The following CTNNA3 variants were observed in gnomAD, a reference collection of about 807,000 sequenced individuals.
CTNNA3 encodes the protein catenin alpha 3.
CTNNA3 carries 76 observed loss-of-function variants against 95.7 expected under a neutral mutation model. The ratio of observed to expected loss-of-function variants is 0.79; its 90% CI spans 0.66 to 0.96. The LOEUF is 0.96. CTNNA3 is among the 40% of genes least tolerant of loss of function. The probability of loss-of-function intolerance (pLI) is 0.00; values close to 1 mark genes in which losing one functional copy is unlikely to be tolerated. For synonymous variants in CTNNA3, 431 were observed against 374.4 expected, an observed-to-expected ratio of 1.15 and a Z score of -1.74; for missense variants, 1,191 against 1,089.8, an observed-to-expected ratio of 1.09 and a Z score of -1.31.
chr10:67,230,698 G>C (rs986661130), intron 5 of CTNNA3, among the ~76,000 whole-genome samples: 2 of 152,184 alleles, frequency 1.3e-5, no homozygotes, highest in African/African-American at 2.4e-5. Context: ...GGAACAGCTC[G>C]GTCTACAGCT....
rs1167831369 is a variant in CTNNA3 at position 67,338,301 on chromosome 10, G to T, written c.580-118431C>A. ...TGACAGCATGAGCAAGGTGTGGGGG[G>T]AGGTGCCATATACTTTTAAACAATC... On this transcript the variant is annotated intron_variant, in intron 5 of 17. Transcript: ENST00000433211. 4.6e-5 allele frequency among the ~76,000 whole-genome samples: 7 copies of T among 152,164 alleles called. No homozygotes were observed. In the South Asian group the frequency reaches 1.5e-3, roughly 32 times the overall value.
At chr10:66,399,003 T>C (rs1215439657) in intron 11 of CTNNA3, among the ~76,000 whole-genome samples, 2 of 152,034 alleles carry the variant, frequency 1.3e-5, no homozygotes, top group Non-Finnish European at 2.9e-5. Context: ...TTTTATTTCC[T>C]TTTCCAATCA....
intron 10 of CTNNA3, among the ~76,000 whole-genome samples, chr10:66,561,756 T>G (rs1162927092): frequency 2.6e-5 from 4 of 152,034 alleles, no homozygotes; most frequent in African/African-American, 9.7e-5. Flanking sequence ...TAATGGAAAC[T>G]TTTGAGAAAT....
intron 2 of CTNNA3, among the ~76,000 whole-genome samples, chr10:67,622,752 T>C (rs903589793): frequency 1.3e-5 from 2 of 152,224 alleles, no homozygotes; most frequent in African/African-American, 4.8e-5. Flanking sequence ...CATTTTCCCA[T>C]GGGAGCAGTT....
intron 7 of CTNNA3, among the ~76,000 whole-genome samples, chr10:66,864,256 T>C (rs1201626970): frequency 1.3e-5 from 2 of 152,038 alleles, no homozygotes; most frequent in Non-Finnish European, 2.9e-5. Flanking sequence ...GAACAAAGGA[T>C]TAATGTTGTT....
intron 14 of CTNNA3, among the ~76,000 whole-genome samples, chr10:66,095,900 A>G: frequency 1.3e-5 from 2 of 152,082 alleles, no homozygotes; most frequent in East Asian, 3.9e-4. Flanking sequence ...AGGTTGACAA[A>G]CTATATGCTC....
intron 7 of CTNNA3, among the ~76,000 whole-genome samples, chr10:66,868,565 A>G (rs1248993930): frequency 2.0e-5 from 3 of 151,634 alleles, no homozygotes; most frequent in Admixed American, 6.6e-5. Context: ...AGCATGGCCA[A>G]CATGGTGAAA....
intron 7 of CTNNA3, among the ~76,000 whole-genome samples, chr10:67,040,518 TTTACTCTCTC>T (rs1854327145): frequency 6.6e-6 from 1 of 152,084 alleles, no homozygotes; most frequent in Non-Finnish European, 1.5e-5. Flanking sequence ...CATGGTGACA[TTTACTCTCTC>T]TTACCCACTC....
intron 7 of CTNNA3, among the ~76,000 whole-genome samples, chr10:67,029,990 A>T (rs1189101862): frequency 6.6e-6 from 1 of 152,238 alleles, no homozygotes. Flanking sequence ...TCATAAATGC[A>T]TTAAGATATT....
intron 7 of CTNNA3, among the ~76,000 whole-genome samples, chr10:66,976,285 G>A (rs1009815597): frequency 6.6e-5 from 10 of 152,120 alleles, no homozygotes; most frequent in African/African-American, 1.4e-4. Flanking sequence ...AATCAGGGAC[G>A]ATACCCCTGT....
At chr10:66,667,630 GC>G (rs777725954) in intron 9 of CTNNA3, among the ~76,000 whole-genome samples, 10 of 152,092 alleles carry the variant, frequency 6.6e-5, no homozygotes, top group Non-Finnish European at 1.5e-4. Flanking sequence ...CTTTCTAACA[GC>G]CTAGTAAGCC....
chr10:67,530,124 C>T (rs1840280783), intron 4 of CTNNA3, among the ~76,000 whole-genome samples: 1 of 152,154 alleles, frequency 6.6e-6, no homozygotes, highest in African/African-American at 2.4e-5. Context: ...TATAAATTGC[C>T]CAGTCTCAGG....
intron 9 of CTNNA3, among the ~76,000 whole-genome samples, chr10:66,650,096 C>A (rs1415199749): frequency 2.7e-5 from 4 of 150,274 alleles, no homozygotes; most frequent in African/African-American, 1.0e-4. Context: ...ACACTTTAGA[C>A]CAAATAGACC....
chr10:66,093,804 C>T (rs1016858449), intron 14 of CTNNA3, among the ~76,000 whole-genome samples: 8 of 151,980 alleles, frequency 5.3e-5, no homozygotes, highest in African/African-American at 1.9e-4. Context: ...ATACCCTAGG[C>T]TCAATATATT....
At chr10:66,082,033 G>T (rs1222721384) in intron 14 of CTNNA3, among the ~76,000 whole-genome samples, 1 of 151,972 alleles carries the variant, frequency 6.6e-6, no homozygotes, top group East Asian at 1.9e-4. Flanking sequence ...CAGGAGAATC[G>T]CTTGAACCCG....
chr10:66,831,680 C>T (rs1254604362), intron 7 of CTNNA3, among the ~76,000 whole-genome samples: 1 of 151,274 alleles, frequency 6.6e-6, no homozygotes, highest in African/African-American at 2.4e-5. Context: ...AAGAGTTGTG[C>T]AGAGAAGAAA....
chr10:67,014,004 G>A (rs886705789), intron 7 of CTNNA3, among the ~76,000 whole-genome samples: 2 of 152,030 alleles, frequency 1.3e-5, no homozygotes, highest in Non-Finnish European at 2.9e-5. Flanking sequence ...CAGAGAATTT[G>A]TCTCTAAAAA....
At chr10:67,179,686 G>A (rs764240847) in intron 7 of CTNNA3, among the ~76,000 whole-genome samples, 6 of 151,908 alleles carry the variant, frequency 3.9e-5, no homozygotes, top group Admixed American at 6.6e-5. Flanking sequence ...AAAATTAGCT[G>A]GGCATGGTAA....
chr10:66,073,597 C>T (rs1411557453), intron 14 of CTNNA3, among the ~76,000 whole-genome samples: 2 of 152,120 alleles, frequency 1.3e-5, no homozygotes, highest in Non-Finnish European at 2.9e-5. Context: ...AAATTATCCT[C>T]TTTTCTTTAG....
Sources: gnomAD v4.1 joint callset for allele counts (sites outside exome capture counted in the v4.1 genomes callset) on GRCh38, gnomAD v4.1.1 for gene constraint, MANE v1.5 for transcripts, NCBI Gene and HGNC (gene_info 2026-07-23, HGNC 2026-07-21) for gene names.